The following UXS1 variants were observed in gnomAD, a reference collection of about 807,000 sequenced individuals.
The protein encoded by UXS1 is UDP-glucuronic acid decarboxylase 1.
In UXS1, 33 loss-of-function variants were observed where a neutral mutation model predicts 62.6. That is an observed-to-expected ratio of 0.53 (90% CI 0.40 to 0.70). The LOEUF (loss-of-function observed/expected upper bound fraction) is 0.70. UXS1 is among the 30% of genes least tolerant of loss of function. The pLI, the probability that UXS1 is intolerant of heterozygous loss-of-function variation, is 0.00. For synonymous variants in UXS1, 213 were observed against 206.8 expected, an observed-to-expected ratio of 1.03 and a Z score of -0.26; for missense variants, 434 against 556.3, an observed-to-expected ratio of 0.78 and a Z score of 2.21.
At chr2:106,172,485 C>A (rs1683629532) in intron 1 of UXS1, among the ~76,000 whole-genome samples, 2 of 152,200 alleles carry the variant, frequency 1.3e-5, no homozygotes, top group Non-Finnish European at 2.9e-5. Flanking sequence ...AGGAGCCAAG[C>A]AATGTGTGAG....
intron 5 of UXS1, 79 bp from the exon 6 acceptor site, chr2:106,145,449 C>A: frequency 6.8e-7 from 1 of 1,473,950 alleles, no homozygotes; most frequent in Non-Finnish European, 9.0e-7. Context: ...CACGGAGAGA[C>A]ATCTCTGGTG....
rs369065873 is a variant in UXS1, at chr2:106,146,140, T to A, written c.292-770A>T. 4.8e-4 allele frequency among the ~76,000 whole-genome samples: 73 copies of A among 152,342 alleles called. 1 individual carries two copies. The highest frequency in any genetic ancestry group is 1.6e-3 in the African/African-American group (68 of 41,576). On this transcript the variant is annotated intron_variant, in intron 5 of 14. Coordinates refer to ENST00000283148, the MANE Select transcript of UXS1 (RefSeq NM_001253875.2). ...GGTATTTTATTCAAATTAAATGGTG[T>A]AACTGGAGGAGGATAAAGGGAATTT...
intron 1 of UXS1, among the ~76,000 whole-genome samples, chr2:106,182,703 T>C (rs1184432066): frequency 6.6e-6 from 1 of 151,994 alleles, no homozygotes; most frequent in Non-Finnish European, 1.5e-5. Flanking sequence ...CATGCCTCAG[T>C]TTCCCCACCT....
chr2:106,103,377 G>A (rs4851921), intron 11 of UXS1, among the ~76,000 whole-genome samples: 40,138 of 152,036 alleles, frequency 0.26, 5,671 homozygotes, highest in South Asian at 0.33. Flanking sequence ...CACTGGTGAG[G>A]CAGCCCGAGG....
At position 106,109,787 on chromosome 2, in the gene UXS1, G is replaced by A. The variant is rs192564297; in HGVS notation, c.879+2859C>T. Among the ~76,000 whole-genome samples, 8 of 152,302 alleles carry A rather than the reference G, an allele frequency of 5.3e-5. No individual in the cohort carries two copies. In the East Asian group the frequency reaches 1.5e-3, roughly 29 times the overall value. On this transcript the variant is annotated intron_variant, in intron 10 of 14. Transcript: ENST00000283148. The stretch of plus-strand genomic sequence containing the variant: ...GAGTGAGATGCTAAGACAGGCATGA[G>A]GAATCTGCTCAAAAACACGGCTGCA...
At chr2:106,191,397 A>G (rs1684927360) in intron 1 of UXS1, among the ~76,000 whole-genome samples, 1 of 152,274 alleles carries the variant, frequency 6.6e-6, no homozygotes, top group Admixed American at 6.5e-5. Context: ...AAACACAGAC[A>G]TCACGGTTGA....
chr2:106,185,421 T>C (rs1363250747), intron 1 of UXS1, among the ~76,000 whole-genome samples: 2 of 152,186 alleles, frequency 1.3e-5, no homozygotes. Flanking sequence ...ACCAACCAAT[T>C]CTCCCACTCT....
intron 14 of UXS1, among the ~76,000 whole-genome samples, 169 bp from the exon 15 acceptor site, chr2:106,094,326 C>T (rs72834775): frequency 5.1e-5 from 7 of 137,836 alleles, no homozygotes; most frequent in Non-Finnish European, 1.1e-4. Context: ...TCCAGCATCA[C>T]GGCCCACCGA....
intron 11 of UXS1, among the ~76,000 whole-genome samples, chr2:106,103,459 GA>G (rs1250915775): frequency 2.6e-5 from 4 of 152,202 alleles, no homozygotes; most frequent in African/African-American, 9.7e-5. Context: ...AGGAGGATGG[GA>G]TAAGAACGCG....
At chr2:106,151,866 A>G (rs17280023) in intron 5 of UXS1, among the ~76,000 whole-genome samples, 6,233 of 152,314 alleles carry the variant, frequency 0.041, 186 homozygotes, top group South Asian at 0.082. Context: ...AAAAGGCAAG[A>G]GACTTCTATA....
At chr2:106,169,653 C>G (rs374644456) in intron 1 of UXS1, among the ~76,000 whole-genome samples, 116 of 152,296 alleles carry the variant, frequency 7.6e-4, no homozygotes, top group Admixed American at 2.5e-3. Flanking sequence ...AGCGCCACTA[C>G]TCCAGCCTGG....
intron 2 of UXS1, 140 bp downstream of exon 2, chr2:106,165,916 T>G: frequency 1.4e-6 from 1 of 708,460 alleles, no homozygotes; most frequent in Non-Finnish European, 2.2e-6. Flanking sequence ...AAGAAACAGC[T>G]CAGATATGTG....
chr2:106,114,923 C>T (rs1225434971), intron 9 of UXS1, among the ~76,000 whole-genome samples: 1 of 152,236 alleles, frequency 6.6e-6, no homozygotes, highest in East Asian at 1.9e-4. Flanking sequence ...AAGCCCTGCT[C>T]TCCTCTGGGA....
chr2:106,101,175 G>A (rs911536016), intron 11 of UXS1, 57 bp from the exon 12 acceptor site: 12 of 1,585,612 alleles, frequency 7.6e-6, no homozygotes, highest in South Asian at 5.7e-5. Flanking sequence ...CTAGTGCCAC[G>A]CACCACATAG....
chr2:106,097,444 C>G (rs1044305973), intron 13 of UXS1: 2 of 345,550 alleles, frequency 5.8e-6, no homozygotes, highest in Non-Finnish European at 1.2e-5. Flanking sequence ...TCCCTGCCTC[C>G]GTGTCATGGA....
At chr2:106,100,501 G>A (rs1353508901) in intron 12 of UXS1, among the ~76,000 whole-genome samples, 2 of 152,212 alleles carry the variant, frequency 1.3e-5, no homozygotes, top group Non-Finnish European at 2.9e-5. Flanking sequence ...GGCCAGAACT[G>A]TCCAAAGACA....
chr2:106,125,178 C>T (rs951417168), intron 8 of UXS1, among the ~76,000 whole-genome samples: 4 of 152,166 alleles, frequency 2.6e-5, no homozygotes, highest in Admixed American at 2.0e-4. Flanking sequence ...CGTTATACAA[C>T]AGGGGAGGCA....
chr2:106,175,065 C>T (rs1683795130), intron 1 of UXS1, among the ~76,000 whole-genome samples: 2 of 152,228 alleles, frequency 1.3e-5, no homozygotes. Context: ...ATGAAATCCT[C>T]AGTGGGGCAG....
intron 1 of UXS1, among the ~76,000 whole-genome samples, chr2:106,166,969 G>C (rs1243922580): frequency 6.6e-6 from 1 of 152,158 alleles, no homozygotes; most frequent in Admixed American, 6.5e-5. Flanking sequence ...AGCAAACCCA[G>C]AGAGGTTAAA....
Sources: allele counts gnomAD v4.1 joint callset (sites outside exome capture counted in the v4.1 genomes callset), GRCh38; gene constraint gnomAD v4.1.1; transcripts MANE v1.5; gene names NCBI Gene and HGNC (gene_info 2026-07-23, HGNC 2026-07-21).